The following TMEM132C variants were observed in gnomAD, a reference collection of about 807,000 sequenced individuals.
The protein encoded by TMEM132C is protein phosphatase 1, regulatory subunit 152.
TMEM132C carries 29 observed loss-of-function variants against 61.4 expected under a neutral mutation model. The ratio of observed to expected loss-of-function variants is 0.47; its 90% CI spans 0.35 to 0.64. The LOEUF is 0.64. Ranked by LOEUF, TMEM132C falls within the 30% of genes least tolerant of loss-of-function variation. TMEM132C has a pLI of 0.00. For synonymous variants in TMEM132C, 656 were observed against 633.1 expected, an observed-to-expected ratio of 1.04 and a Z score of -0.54; for missense variants, 1,408 against 1,476.9, an observed-to-expected ratio of 0.95 and a Z score of 0.76.
chr12:128,275,522 T>A (rs2135893704), intron 1 of TMEM132C, among the ~76,000 whole-genome samples: 1 of 152,258 alleles, frequency 6.6e-6, no homozygotes, highest in East Asian at 1.9e-4. Flanking sequence ...GTGAGTTATA[T>A]AATATTTTAT....
At chr12:128,343,383 C>T (rs1006520399) in intron 1 of TMEM132C, among the ~76,000 whole-genome samples, 1 of 151,072 alleles carries the variant, frequency 6.6e-6, no homozygotes, top group Non-Finnish European at 1.5e-5. Context: ...GAGATCCCAC[C>T]ACTGCACTCC....
chr12:128,439,410 A>G (rs1451002962), intron 2 of TMEM132C, among the ~76,000 whole-genome samples: 1 of 152,202 alleles, frequency 6.6e-6, no homozygotes, highest in East Asian at 1.9e-4. Context: ...AATGGCCAGA[A>G]AGAAAAATTA....
intron 2 of TMEM132C, among the ~76,000 whole-genome samples, chr12:128,503,487 G>T (rs1226265434): frequency 6.6e-6 from 1 of 152,174 alleles, no homozygotes; most frequent in Non-Finnish European, 1.5e-5. Flanking sequence ...TATCTAAAGT[G>T]GGGGATTGGG....
At chr12:128,538,726 C>G (rs1873629387) in intron 2 of TMEM132C, among the ~76,000 whole-genome samples, 1 of 152,012 alleles carries the variant, frequency 6.6e-6, no homozygotes, top group African/African-American at 2.4e-5. Flanking sequence ...GATGTTGACA[C>G]TTTTTTTTAG....
chr12:128,387,559 CCTAGCA>C (rs1490152091), intron 1 of TMEM132C, among the ~76,000 whole-genome samples: 1 of 152,172 alleles, frequency 6.6e-6, no homozygotes, highest in Admixed American at 6.5e-5. Context: ...CACCTGTAAT[CCTAGCA>C]CTTTGGGAGG....
intron 2 of TMEM132C, among the ~76,000 whole-genome samples, chr12:128,532,363 G>T (rs1474878983): frequency 6.6e-6 from 1 of 151,786 alleles, no homozygotes; most frequent in African/African-American, 2.4e-5. Context: ...AGGAGGCCGG[G>T]CGCAGTGGCT....
intron 3 of TMEM132C, among the ~76,000 whole-genome samples, chr12:128,548,186 G>T (rs1442521203): frequency 1.3e-5 from 2 of 152,134 alleles, no homozygotes; most frequent in Non-Finnish European, 2.9e-5. Context: ...GGCACCAAGG[G>T]CCCCCCAATC....
chr12:128,299,917 AC>A (rs1344553026), intron 1 of TMEM132C, among the ~76,000 whole-genome samples: 3 of 152,214 alleles, frequency 2.0e-5, no homozygotes. Context: ...CCAGGAAGAG[AC>A]CAGGAGTTAG....
intron 4 of TMEM132C, among the ~76,000 whole-genome samples, chr12:128,658,561 T>C (rs1256098491): frequency 2.6e-5 from 4 of 152,114 alleles, no homozygotes; most frequent in East Asian, 3.9e-4. Context: ...GGCAGTATGG[T>C]AATGTTATCT....
At chr12:128,650,258 C>T (rs951518323) in intron 4 of TMEM132C, among the ~76,000 whole-genome samples, 2 of 152,250 alleles carry the variant, frequency 1.3e-5, no homozygotes, top group Middle Eastern at 3.4e-3. Context: ...CATGCCTGGA[C>T]CCTTGTAGGT....
chr12:128,705,274 TC>T lies in TMEM132C; in HGVS notation c.2308del (p.Arg770GlufsTer4). ...VAEGEGQGPL[I>X]RVDMTIAEAC... Reference sequence around the variant, plus strand: ...GAAGGGGAAGGCCAGGGCCCACTGATCCGAGTGGACATGACGATCGCCGAGG... The same window carrying T: ...GAAGGGGAAGGCCAGGGCCCACTGATCGAGTGGACATGACGATCGCCGAGG... On this transcript the variant is annotated frameshift_variant, in exon 9 of 9. Transcript: ENST00000435159. LOFTEE classifies it low-confidence loss of function (END_TRUNC). The T allele has an allele frequency of 6.4e-7, 1 of 1,551,584 alleles. No homozygotes were observed. Among genetic ancestry groups the T allele is most frequent in the Non-Finnish European group, 8.7e-7 (1 of 1,146,970 alleles).
intron 2 of TMEM132C, among the ~76,000 whole-genome samples, chr12:128,531,585 G>A (rs577473017): frequency 4.6e-5 from 7 of 152,314 alleles, no homozygotes; most frequent in East Asian, 1.9e-4. Flanking sequence ...ACATGCGTGT[G>A]CACACACACA....
At chr12:128,697,152 T>G in intron 7 of TMEM132C, 72 bp from the exon 8 acceptor site, 1 of 1,350,732 alleles carries the variant, frequency 7.4e-7, no homozygotes, top group Non-Finnish European at 1.0e-6. Flanking sequence ...ATGGAAGAAA[T>G]ATTACTGGTA....
intron 1 of TMEM132C, among the ~76,000 whole-genome samples, chr12:128,312,171 A>G (rs1049216621): frequency 6.6e-6 from 1 of 152,140 alleles, no homozygotes; most frequent in East Asian, 1.9e-4. Context: ...GTTCCCCCCA[A>G]ATCTCATGTC....
chr12:128,544,567 A>G (rs1873884343), intron 3 of TMEM132C, among the ~76,000 whole-genome samples: 1 of 152,220 alleles, frequency 6.6e-6, no homozygotes, highest in African/African-American at 2.4e-5. Flanking sequence ...ATCCTGGATG[A>G]TTTTTTAAAA....
chr12:128,288,939 A>C (rs1370598421), intron 1 of TMEM132C: 1 of 152,156 alleles, frequency 6.6e-6, no homozygotes, highest in Non-Finnish European at 1.5e-5. Flanking sequence ...ACAGGCCTGC[A>C]TGTGTGCACC....
intron 2 of TMEM132C, among the ~76,000 whole-genome samples, chr12:128,539,345 G>A (rs967153315): frequency 4.6e-5 from 7 of 152,300 alleles, no homozygotes; most frequent in Middle Eastern, 6.8e-3. Context: ...GGCTGGGCGT[G>A]GTGTCTCACA....
At chr12:128,427,529 G>A (rs1565933046) in intron 2 of TMEM132C, among the ~76,000 whole-genome samples, 1 of 150,728 alleles carries the variant, frequency 6.6e-6, no homozygotes, top group Non-Finnish European at 1.5e-5. Context: ...GAAGAGGCAG[G>A]CTGTGGGTCT....
intron 1 of TMEM132C, among the ~76,000 whole-genome samples, chr12:128,386,782 TGATGCGTAGTA>T (rs1019105783): frequency 1.3e-5 from 2 of 152,148 alleles, no homozygotes; most frequent in African/African-American, 4.8e-5. Flanking sequence ...GATCAGGTCC[TGATGCGTAGTA>T]GATGCTCAGT....
Sources: allele counts gnomAD v4.1 joint callset (sites outside exome capture counted in the v4.1 genomes callset), GRCh38; gene constraint gnomAD v4.1.1; transcripts MANE v1.5; gene names NCBI Gene and HGNC (gene_info 2026-07-23, HGNC 2026-07-21).